TOX4: variants seen among roughly 807,000 people sequenced by gnomAD.
TOX4 encodes epidermal Langerhans cell protein LCP1.
Under a neutral mutation model 61.0 loss-of-function variants are expected in TOX4, and 12 were observed. That is an observed-to-expected ratio of 0.20 (90% confidence interval 0.13 to 0.32). TOX4 has a LOEUF of 0.32. TOX4 is among the 10% of genes least tolerant of loss of function. The probability of loss-of-function intolerance (pLI) is 1.00; values close to 1 mark genes in which losing one functional copy is unlikely to be tolerated. For synonymous variants in TOX4, 268 were observed against 274.8 expected (o/e 0.98, Z 0.24); for missense variants, 499 against 753.3 (o/e 0.66, Z 3.95).
chr14:21,498,407 TG>T lies in TOX4; in HGVS notation c.*1803del, dbSNP rs1405070285. 5 of 1,603,986 alleles carry T rather than the reference TG, an allele frequency of 3.1e-6. No homozygotes were observed. The highest frequency in any genetic ancestry group is 4.3e-6 in the Non-Finnish European group (5 of 1,171,836). ...AAAAGGAGGGGCAAACCAGAAATCC[TG>T]GAATTAGAGGGTTTAATATTGTTAA... On this transcript the variant is annotated 3_prime_UTR_variant, in exon 9 of 9. Transcript: ENST00000448790.
chr14:21,496,337 C>T (rs1594434146), intron 8 of TOX4: 1 of 452,212 alleles, frequency 2.2e-6, no homozygotes, highest in Non-Finnish European at 4.0e-6. Context: ...ACCATCCTGG[C>T]TAACACAGTG....
At chr14:21,477,699 CG>C (rs1200314588) in intron 2 of TOX4, 135 bp downstream of exon 2, 1 of 964,848 alleles carries the variant, frequency 1.0e-6, no homozygotes, top group African/African-American at 1.6e-5. Context: ...AGAAAAGTGG[CG>C]GTTGCTTCTA....
At chr14:21,482,185 G>A (rs1891117707) in intron 2 of TOX4, among the ~76,000 whole-genome samples, 1 of 152,108 alleles carries the variant, frequency 6.6e-6, no homozygotes, top group African/African-American at 2.4e-5. Context: ...CTAATATAGT[G>A]GTATTATGCT....
intron 8 of TOX4, 55 bp from the exon 9 acceptor site, chr14:21,496,491 A>T: frequency 6.6e-7 from 1 of 1,516,458 alleles, no homozygotes; most frequent in Non-Finnish European, 9.1e-7. Context: ...TCTAGGCTGT[A>T]ATTCTATTTC....
At position 21,496,930 on chromosome 14, in the gene TOX4, T is replaced by C. The variant is rs886121239; in HGVS notation, c.*324T>C. 1.2e-5 allele frequency: 3 copies of C among 256,254 alleles called. No homozygotes were observed. Among genetic ancestry groups the C allele is most frequent in the African/African-American group, 6.7e-5 (3 of 44,840 alleles). The allele number at this position is 256,254 out of a possible 1,614,324, so 15.9% of individuals were successfully genotyped here. On this transcript the variant is annotated 3_prime_UTR_variant, in exon 9 of 9. Coordinates refer to ENST00000448790, the MANE Select transcript of TOX4 (RefSeq NM_014828.4). ...CTTGTTGGTATAATTGTCATAGGAC[T>C]TGCCTAAAATATTATTAAAATTACG...
intron 2 of TOX4, among the ~76,000 whole-genome samples, chr14:21,479,639 C>T (rs989148118): frequency 3.9e-5 from 6 of 152,182 alleles, no homozygotes; most frequent in African/African-American, 1.4e-4. Context: ...ACGAGTGAGA[C>T]TCCATCTCAA....
intron 2 of TOX4, among the ~76,000 whole-genome samples, chr14:21,482,890 G>T (rs1327362271): frequency 1.3e-5 from 2 of 151,130 alleles, no homozygotes; most frequent in African/African-American, 4.9e-5. Flanking sequence ...CTTGATAATT[G>T]TAGTTATCTT....
intron 5 of TOX4, among the ~76,000 whole-genome samples, chr14:21,490,415 C>T (rs527936959): frequency 3.3e-5 from 5 of 152,176 alleles, no homozygotes; most frequent in East Asian, 3.9e-4. Context: ...GCAGAGGTTG[C>T]GGTGAGCCGA....
In TOX4 at chr14:21,487,497, C is replaced by A. The variant is rs1200532966; in HGVS notation, c.122C>A (p.Pro41His). The A allele has an allele frequency of 1.9e-6, 3 of 1,614,038 alleles. No homozygotes were observed. Among genetic ancestry groups the A allele is most frequent in the East Asian group, 2.2e-5 (1 of 44,890 alleles). Residue 41 changes from proline (P) to histidine (H), a missense_variant, in exon 3 of 9, where the codon CCT becomes CAT. Physicochemically the swap from Pro to His is moderately conservative, Grantham distance 77 (BLOSUM62 -2). Coordinates refer to ENST00000448790, the MANE Select transcript of TOX4 (RefSeq NM_014828.4). ...SLGDEEFEIP[P>H]ISLDSDPSLA... is the part of the protein sequence containing the mutation. Reference sequence around the variant, plus strand: ...GGTGATGAGGAATTTGAAATCCCACCTATCTCCTTGGATTCTGATCCCTCA... The same window carrying A: ...GGTGATGAGGAATTTGAAATCCCACATATCTCCTTGGATTCTGATCCCTCA...
Position 21,482,647 on chromosome 14 carries a change from T to C in TOX4, c.76-4804T>C, listed in dbSNP as rs1221242777. 1.1e-5 allele frequency: 5 copies of C among 450,938 alleles called. No homozygotes were observed. In the East Asian group the frequency reaches 3.6e-4, roughly 32 times the overall value. The allele number at this position is 450,938 out of a possible 1,614,324, so 27.9% of individuals were successfully genotyped here. ...ATCATGTTCCTGTTTTCTCTTTCTG[T>C]GTCCAAACCACTTCTTTTTAATATT... On this transcript the variant is annotated intron_variant, in intron 2 of 8. Coordinates refer to ENST00000448790, the MANE Select transcript of TOX4 (RefSeq NM_014828.4).
intron 5 of TOX4, 27 bp from the exon 6 acceptor site, chr14:21,492,266 GTTT>G (rs749834552): frequency 9.9e-6 from 9 of 906,230 alleles, no homozygotes; most frequent in Admixed American, 3.0e-5. Flanking sequence ...GGGGAGTTTT[GTTT>G]TTTTTTTTAA....
intron 2 of TOX4, among the ~76,000 whole-genome samples, chr14:21,484,068 C>G (rs1248119571): frequency 6.6e-6 from 1 of 152,094 alleles, no homozygotes; most frequent in Non-Finnish European, 1.5e-5. Flanking sequence ...CTTGGCTTCC[C>G]AAAGTACTGG....
intron 1 of TOX4, 52 bp downstream of exon 1, chr14:21,477,336 T>TGAAGCAGGGACGG: frequency 6.2e-7 from 1 of 1,613,732 alleles, no homozygotes; most frequent in Non-Finnish European, 8.5e-7. Flanking sequence ...CCGACCGGGT[T>TGAAGCAGGGACGG]GAAGCAGGGA....
chr14:21,487,760 C>T (rs1469165276), intron 3 of TOX4, 67 bp downstream of exon 3: 13 of 1,522,064 alleles, frequency 8.5e-6, no homozygotes, highest in Non-Finnish European at 1.1e-5. Context: ...GACAAAGTTA[C>T]TCTATTCCCT....
At chr14:21,493,727 C>G (rs1228472516) in intron 7 of TOX4, among the ~76,000 whole-genome samples, 1 of 151,400 alleles carries the variant, frequency 6.6e-6, no homozygotes, top group East Asian at 1.9e-4. Context: ...GTGTGAGCCA[C>G]TGCACCCGCC....
At position 21,499,050 on chromosome 14, in the gene TOX4, G is replaced by A. The variant is rs760376268; in HGVS notation, c.*2444G>A. The A allele has an allele frequency of 1.1e-5, 17 of 1,613,738 alleles. No individual in the cohort carries two copies. Among genetic ancestry groups the A allele is most frequent in the East Asian group, 2.2e-5 (1 of 44,902 alleles). On this transcript the variant is annotated 3_prime_UTR_variant, in exon 9 of 9. Transcript: ENST00000448790. ...CAGTTGGGTTGCACATTGTGTGGTC[G>A]TCCAAATAACTCAATCTTGCGAGTG... is the stretch of plus-strand genomic sequence containing the variant.
intron 2 of TOX4, among the ~76,000 whole-genome samples, chr14:21,482,154 T>A (rs1008393981): frequency 6.6e-6 from 1 of 152,196 alleles, no homozygotes; most frequent in Non-Finnish European, 1.5e-5. Flanking sequence ...AATCTTTCTG[T>A]TTCTCTTTTT....
At position 21,492,653 on chromosome 14, in the gene TOX4, C is replaced by A; in HGVS notation, c.1037C>A (p.Thr346Asn). Residue 346 changes from threonine to asparagine, a missense_variant, in exon 7 of 9, where the codon ACC becomes AAC. Physicochemically the swap from Thr to Asn is moderately conservative, Grantham distance 65 (BLOSUM62 0). Transcript: ENST00000448790. The part of the protein sequence containing the change: ...ALSPSIVVNS[T>N]LSSYVANQAS... ...TCCCCATCCATTGTTGTTAACTCCA[C>A]CCTTTCATCCTATGTGGCAAACCAG... is the stretch of plus-strand genomic sequence containing the variant. 6.2e-7 allele frequency: 1 copy of A among 1,613,860 alleles called. No homozygotes were observed. The highest frequency in any genetic ancestry group is 8.5e-7 in the Non-Finnish European group (1 of 1,180,010).
At chr14:21,483,657 A>G (rs572523593) in intron 2 of TOX4, among the ~76,000 whole-genome samples, 1 of 152,162 alleles carries the variant, frequency 6.6e-6, no homozygotes, top group South Asian at 2.1e-4. Context: ...CCTGGGCGAC[A>G]GGGTAAGACC....
Sources: allele counts gnomAD v4.1 joint callset (sites outside exome capture counted in the v4.1 genomes callset), GRCh38; gene constraint gnomAD v4.1.1; transcripts MANE v1.5; gene names NCBI Gene and HGNC (gene_info 2026-07-23, HGNC 2026-07-21).